CACNA2D1: variants seen among roughly 807,000 people sequenced by gnomAD.
CACNA2D1 encodes calcium voltage-gated channel auxiliary subunit alpha2delta 1, also known as voltage-dependent calcium channel subunit alpha-2/delta-1.
CACNA2D1 carries 53 observed loss-of-function variants against 171.5 expected under a neutral mutation model. The ratio of observed to expected loss-of-function variants is 0.31; its 90% confidence interval spans 0.25 to 0.39. The LOEUF is 0.39. Among genes scored for constraint, CACNA2D1 ranks in the 10% least tolerant of loss-of-function variants. The pLI is 1.00. For synonymous variants in CACNA2D1, 442 were observed against 443.1 expected (o/e 1.00, Z 0.03); for missense variants, 903 against 1,299.8 (o/e 0.69, Z 4.69).
chr7:81,999,041 T>C (rs911248121), intron 18 of CACNA2D1, among the ~76,000 whole-genome samples: 4 of 151,678 alleles, frequency 2.6e-5, no homozygotes, highest in African/African-American at 9.7e-5. Context: ...ATAATGAAAA[T>C]AATAAAAAGT....
At position 82,430,417 on chromosome 7, in the gene CACNA2D1, C is replaced by CAAAAAA. The variant is rs3054724; in HGVS notation, c.95+12942_95+12947dup. Reference sequence around the variant, plus strand: ...TGGGTGATAGAGACAGACTCCATCTCAAAAAAAAAAAAAAACCAGATTCCT... The same window carrying CAAAAAA: ...TGGGTGATAGAGACAGACTCCATCTCAAAAAAAAAAAAAAAAAAAAACCAGATTCCT... On this transcript the variant is annotated intron_variant, in intron 1 of 38. Coordinates refer to ENST00000356860, the MANE Select transcript of CACNA2D1 (RefSeq NM_000722.4). Among the ~76,000 whole-genome samples, 135 of 129,468 alleles carry CAAAAAA rather than the reference C, an allele frequency of 1.0e-3. 2 individuals are homozygous for CAAAAAA. The highest frequency in any genetic ancestry group is 2.1e-3 in the African/African-American group (75 of 35,382). The allele number at this position is 129,468 out of a possible 152,430, so 84.9% of individuals were successfully genotyped here.
At chr7:82,217,394 C>CATATATCTATATATATAT (rs1801244359) in intron 3 of CACNA2D1, among the ~76,000 whole-genome samples, 1 of 102,546 alleles carries the variant, frequency 9.8e-6, no homozygotes, top group Non-Finnish European at 1.8e-5. Flanking sequence ...CACACACATA[C>CATATATCTATATATATAT]ATATATATAT....
intron 3 of CACNA2D1, among the ~76,000 whole-genome samples, chr7:82,190,380 C>A (rs1158067170): frequency 6.6e-6 from 1 of 151,724 alleles, no homozygotes; most frequent in Non-Finnish European, 1.5e-5. Context: ...CTCCGTGGCA[C>A]AAAGGAGATT....
At chr7:82,244,453 G>A (rs1205505034) in intron 3 of CACNA2D1, among the ~76,000 whole-genome samples, 1 of 151,990 alleles carries the variant, frequency 6.6e-6, no homozygotes, top group Non-Finnish European at 1.5e-5. Context: ...GGTGTAAATT[G>A]GATGTTTAGG....
intron 3 of CACNA2D1, among the ~76,000 whole-genome samples, chr7:82,177,358 A>G (rs1464331970): frequency 6.6e-6 from 1 of 152,046 alleles, no homozygotes; most frequent in Admixed American, 6.6e-5. Flanking sequence ...AAATATGTAA[A>G]TATCATCTGA....
chr7:82,113,850 A>G (rs1298111353), intron 6 of CACNA2D1, among the ~76,000 whole-genome samples: 1 of 152,164 alleles, frequency 6.6e-6, no homozygotes, highest in African/African-American at 2.4e-5. Context: ...CATGAATTTT[A>G]AAGGAGTACA....
At chr7:81,951,387 T>C (rs1471614963) in intron 38 of CACNA2D1, among the ~76,000 whole-genome samples, 1 of 152,018 alleles carries the variant, frequency 6.6e-6, no homozygotes, top group Non-Finnish European at 1.5e-5. Context: ...GGGGAACAGG[T>C]GGTTTTGGTT....
At position 82,298,968 on chromosome 7, in the gene CACNA2D1, C is replaced by T. The variant is rs539694780; in HGVS notation, c.294+36167G>A. Among the ~76,000 whole-genome samples the T allele has an allele frequency of 1.2e-4, 18 of 149,740 alleles. No homozygotes were observed. In the Admixed American group the frequency reaches 1.2e-3, roughly 10 times the overall value. ...ATCCCAGCTACTCGGGAGACTGAGG[C>T]AGGAGAATCCTTTGAACCGGGGAGG... On this transcript the variant is annotated intron_variant, in intron 3 of 38. Transcript: ENST00000356860.
intron 8 of CACNA2D1, among the ~76,000 whole-genome samples, chr7:82,065,073 G>A (rs1807440586): frequency 6.6e-6 from 1 of 151,748 alleles, no homozygotes; most frequent in Non-Finnish European, 1.5e-5. Flanking sequence ...CGACTGGAAT[G>A]GGGCCTGACT....
At chr7:82,083,829 T>C (rs143905095) in intron 7 of CACNA2D1, among the ~76,000 whole-genome samples, 42 of 152,280 alleles carry the variant, frequency 2.8e-4, no homozygotes, top group African/African-American at 9.1e-4. Context: ...CAAACTTATA[T>C]ATTTTCTAAT....
In CACNA2D1 at chr7:82,199,651, TC is replaced by T. The variant is rs1340592113; in HGVS notation, c.295-29043del. On this transcript the variant is annotated intron_variant, in intron 3 of 38. Coordinates refer to ENST00000356860, the MANE Select transcript of CACNA2D1 (RefSeq NM_000722.4). ...AAAATATCTTCAAATTGAGTTTTCT[TC>T]TTTGGCAGTTTCTTATGAAGTTATA... Among the ~76,000 whole-genome samples the T allele has an allele frequency of 4.6e-5, 7 of 152,090 alleles. No homozygotes were observed. The East Asian group carries it at 1.2e-3, about 25-fold the overall frequency.
intron 3 of CACNA2D1, among the ~76,000 whole-genome samples, chr7:82,223,679 T>A (rs1255352625): frequency 1.3e-5 from 2 of 152,224 alleles, no homozygotes; most frequent in Admixed American, 1.3e-4. Flanking sequence ...TGTTGTTTTT[T>A]ACATTTCCTG....
intron 2 of CACNA2D1, among the ~76,000 whole-genome samples, chr7:82,344,400 C>T (rs1490987735): frequency 6.6e-6 from 1 of 152,188 alleles, no homozygotes; most frequent in African/African-American, 2.4e-5. Flanking sequence ...TAAATAATAA[C>T]ATATCCCTCA....
At chr7:81,993,565 A>G (rs1562836053) in intron 20 of CACNA2D1, among the ~76,000 whole-genome samples, 1 of 152,162 alleles carries the variant, frequency 6.6e-6, no homozygotes, top group Non-Finnish European at 1.5e-5. Context: ...GAAAGATATC[A>G]CCTTAAAATT....
chr7:82,060,828 G>A (rs1806802899), intron 9 of CACNA2D1, among the ~76,000 whole-genome samples: 1 of 151,840 alleles, frequency 6.6e-6, no homozygotes, highest in Non-Finnish European at 1.5e-5. Flanking sequence ...TCACTCATTC[G>A]GTTCTGTTAG....
In CACNA2D1 at chr7:81,962,633, A is replaced by AAAT. The variant is rs1554329569; in HGVS notation, c.2781-141_2781-139dup. The AAAT allele has an allele frequency of 2.3e-4, 152 of 655,278 alleles. 1 individual carries two copies. Among genetic ancestry groups the AAAT allele is most frequent in the Non-Finnish European group, 3.3e-5 (12 of 364,940 alleles). The allele number at this position is 655,278 out of a possible 1,614,324, so 40.6% of individuals were successfully genotyped here. On this transcript the variant is annotated intron_variant, in intron 34 of 38. Transcript: ENST00000356860. ...GAGTGTTTTTATTTAAGTATTTTCAAAATTATATAACACATTGTAACCTTT... is the reference window on the plus strand; with the variant it reads ...GAGTGTTTTTATTTAAGTATTTTCAAAATAATTATATAACACATTGTAACCTTT...
Position 82,301,519 on chromosome 7 carries a change from C to T in CACNA2D1, c.294+33616G>A, listed in dbSNP as rs1388057984. ...TCAAAATATAAATATATACATAGTA[C>T]AAAATGTAAATGTTGCCCTAACCAT... is the stretch of plus-strand genomic sequence containing the variant. On this transcript the variant is annotated intron_variant, in intron 3 of 38. Coordinates refer to ENST00000356860, the MANE Select transcript of CACNA2D1 (RefSeq NM_000722.4). Among the ~76,000 whole-genome samples the T allele has an allele frequency of 2.0e-5, 3 of 151,972 alleles. No homozygotes were observed. The South Asian group carries it at 6.2e-4, about 31-fold the overall frequency.
intron 12 of CACNA2D1, among the ~76,000 whole-genome samples, chr7:82,021,521 TAGG>T (rs1219982910): frequency 8.5e-5 from 13 of 152,188 alleles, no homozygotes; most frequent in African/African-American, 3.1e-4. Context: ...TTGTATAGAT[TAGG>T]AGCATATTTA....
chr7:82,012,295 T>C (rs1799885209), intron 14 of CACNA2D1, 52 bp from the exon 15 acceptor site: 7 of 959,858 alleles, frequency 7.3e-6, no homozygotes, highest in Non-Finnish European at 1.2e-5. Flanking sequence ...GAATGCTGTG[T>C]TGAAATAAAA....
Sources: gnomAD v4.1 joint callset for allele counts (sites outside exome capture counted in the v4.1 genomes callset) on GRCh38, gnomAD v4.1.1 for gene constraint, MANE v1.5 for transcripts, NCBI Gene and HGNC (gene_info 2026-07-23, HGNC 2026-07-21) for gene names.